The following SHISA9 variants were observed in gnomAD, a reference collection of about 807,000 sequenced individuals.
The protein encoded by SHISA9 is protein shisa-9.
A neutral mutation model predicts 38.0 loss-of-function variants in SHISA9; 13 were observed. The observed-to-expected ratio is 0.34, with a 90% confidence interval of 0.22 to 0.54. The LOEUF is 0.54. Among genes scored for constraint, SHISA9 ranks in the 20% least tolerant of loss-of-function variants. SHISA9 has a pLI of 0.91. For missense variants in SHISA9, 538 were observed against 575.8 expected (o/e 0.93, Z 0.67); for synonymous variants, 275 against 242.0 (o/e 1.14, Z -1.27).
intron 2 of SHISA9, among the ~76,000 whole-genome samples, chr16:13,037,546 G>C (rs1179916616): frequency 6.6e-6 from 1 of 151,990 alleles, no homozygotes; most frequent in Non-Finnish European, 1.5e-5. Context: ...TGAGAGAATG[G>C]GGGCAGAGAT....
the SHISA9 span, among the ~76,000 whole-genome samples, chr16:13,440,845 C>A: frequency 6.6e-6 from 1 of 151,912 alleles, no homozygotes; most frequent in African/African-American, 2.4e-5. Context: ...TCGTTTGAAC[C>A]CGGGAGGCAG....
At chr16:13,188,056 G>C (rs560491066) in intron 2 of SHISA9, among the ~76,000 whole-genome samples, 2 of 152,146 alleles carry the variant, frequency 1.3e-5, no homozygotes, top group Non-Finnish European at 2.9e-5. Context: ...TGGGGGAAAA[G>C]CTGAGCCTCA....
chr16:13,445,919 A>G, the SHISA9 span, among the ~76,000 whole-genome samples: 7 of 152,140 alleles, frequency 4.6e-5, no homozygotes, highest in South Asian at 1.2e-3. Context: ...TTTGAGAGTC[A>G]AAGAGGCATT....
At chr16:13,249,719 T>C in the SHISA9 span, among the ~76,000 whole-genome samples, 2 of 152,126 alleles carry the variant, frequency 1.3e-5, no homozygotes, top group African/African-American at 2.4e-5. Context: ...CTTCACTTGA[T>C]CTCCACCTTT....
intron 2 of SHISA9, among the ~76,000 whole-genome samples, chr16:13,114,693 T>C (rs1202299101): frequency 1.3e-5 from 2 of 150,924 alleles, no homozygotes; most frequent in Non-Finnish European, 2.9e-5. Flanking sequence ...GCAATTATAG[T>C]AATGAATTTT....
At chr16:13,263,949 C>T in the SHISA9 span, among the ~76,000 whole-genome samples, 86,106 of 151,778 alleles carry the variant, frequency 0.57, 25,029 homozygotes, top group African/African-American at 0.68. Context: ...TCCTTATATA[C>T]CTGTTTCTTT....
At chr16:13,176,688 C>T (rs1172539552) in intron 2 of SHISA9, among the ~76,000 whole-genome samples, 1 of 152,050 alleles carries the variant, frequency 6.6e-6, no homozygotes, top group African/African-American at 2.4e-5. Flanking sequence ...GGCTTTTTGA[C>T]TCACCACTGT....
At chr16:13,391,466 C>T in the SHISA9 span, among the ~76,000 whole-genome samples, 1 of 152,174 alleles carries the variant, frequency 6.6e-6, no homozygotes, top group Non-Finnish European at 1.5e-5. Flanking sequence ...AAGTATTATA[C>T]TTGGAAGCAG....
intron 2 of SHISA9, among the ~76,000 whole-genome samples, chr16:13,107,690 G>A (rs1336892716): frequency 1.3e-5 from 2 of 152,076 alleles, no homozygotes; most frequent in Non-Finnish European, 2.9e-5. Flanking sequence ...GATTGATCAG[G>A]TAGGTTGGGG....
At chr16:13,437,306 A>C in the SHISA9 span, among the ~76,000 whole-genome samples, 1 of 151,948 alleles carries the variant, frequency 6.6e-6, no homozygotes, top group African/African-American at 2.4e-5. Flanking sequence ...CTCCCCTCCC[A>C]CTCTACCCTG....
At chr16:13,330,008 T>C in the SHISA9 span, among the ~76,000 whole-genome samples, 2 of 152,300 alleles carry the variant, frequency 1.3e-5, no homozygotes, top group South Asian at 4.1e-4. Flanking sequence ...CCCCGACCGA[T>C]TGTGAGATCC....
At chr16:13,078,595 G>A (rs1276607291) in intron 2 of SHISA9, among the ~76,000 whole-genome samples, 2 of 152,032 alleles carry the variant, frequency 1.3e-5, no homozygotes. Flanking sequence ...TAGTAGAGAT[G>A]GAGTTTTGCC....
At chr16:12,981,433 A>C (rs2072238752) in intron 2 of SHISA9, among the ~76,000 whole-genome samples, 1 of 152,164 alleles carries the variant, frequency 6.6e-6, no homozygotes, top group Non-Finnish European at 1.5e-5. Flanking sequence ...ATCCTTTCAC[A>C]GCCTTACTGG....
At chr16:13,203,155 C>T in intron 2 of SHISA9, 1 of 369,898 alleles carries the variant, frequency 2.7e-6, no homozygotes, top group Non-Finnish European at 4.8e-6. Context: ...GTTAGTTTAA[C>T]ATGTTTTGAG....
chr16:13,302,410 C>T, the SHISA9 span, among the ~76,000 whole-genome samples: 5 of 152,294 alleles, frequency 3.3e-5, no homozygotes, highest in Middle Eastern at 3.4e-3. Flanking sequence ...GAAAGGCAAA[C>T]GATGCCACCA....
At chr16:13,075,510 G>C (rs13333772) in intron 2 of SHISA9, among the ~76,000 whole-genome samples, 9 of 152,124 alleles carry the variant, frequency 5.9e-5, no homozygotes, top group African/African-American at 1.9e-4. Flanking sequence ...GACGCAGCAG[G>C]CTGGGAGGAA....
chr16:13,425,890 T>A, the SHISA9 span, among the ~76,000 whole-genome samples: 1 of 152,174 alleles, frequency 6.6e-6, no homozygotes, highest in Non-Finnish European at 1.5e-5. Flanking sequence ...ATACTGTAGT[T>A]GTTATTGTGG....
chr16:13,263,795 C>T, the SHISA9 span, among the ~76,000 whole-genome samples: 1 of 152,028 alleles, frequency 6.6e-6, no homozygotes, highest in Admixed American at 6.6e-5. Context: ...AAGATGCCAC[C>T]TTTGGGAGAA....
At chr16:13,203,314 TC>T in intron 2 of SHISA9, 79 bp from the exon 3 acceptor site, 1 of 1,324,106 alleles carries the variant, frequency 7.6e-7, no homozygotes, top group East Asian at 2.8e-5. Flanking sequence ...AGTTTTGGTC[TC>T]CAGTGATGTG....
Sources: gnomAD v4.1 joint callset for allele counts (sites outside exome capture counted in the v4.1 genomes callset) on GRCh38, gnomAD v4.1.1 for gene constraint, MANE v1.5 for transcripts, NCBI Gene and HGNC (gene_info 2026-07-23, HGNC 2026-07-21) for gene names.